SYNC: variants seen among roughly 807,000 people sequenced by gnomAD.
SYNC encodes syncoilin.
In SYNC, 38 loss-of-function variants were observed where a neutral mutation model predicts 49.5. The observed-to-expected ratio is 0.77, with a 90% CI of 0.59 to 1.01. The LOEUF is 1.01. Ranked by LOEUF, SYNC falls within the 50% of genes least tolerant of loss-of-function variation. The pLI, the probability that SYNC is intolerant of heterozygous loss-of-function variation, is 0.00. For synonymous variants in SYNC, 201 were observed against 230.8 expected (o/e 0.87, Z 1.17); for missense variants, 579 against 580.6 (o/e 1.00, Z 0.03).
chr1:32,688,641 G>C (rs912456270), intron 2 of SYNC, among the ~76,000 whole-genome samples: 2 of 152,200 alleles, frequency 1.3e-5, no homozygotes, highest in Admixed American at 6.5e-5. Context: ...TTGTCGCCCA[G>C]GCTGGAGTGC....
chr1:32,680,759 A>G lies in SYNC; in HGVS notation c.*1091T>C, dbSNP rs1014076883. ...CAGTTGTTGTCCATGGTCTTTGACT[A>G]TCAAGAGCAGAATTAAATGTAATAG... is the stretch of plus-strand genomic sequence containing the variant. On this transcript the variant is annotated 3_prime_UTR_variant, in exon 5 of 5. Transcript: ENST00000409190. 1.4e-5 allele frequency: 7 copies of G among 504,412 alleles called. No individual in the cohort carries two copies. The allele number at this position is 504,412 out of a possible 1,614,324, so 31.2% of individuals were successfully genotyped here.
chr1:32,684,010 C>T lies in SYNC; in HGVS notation c.1438G>A (p.Gly480Arg). The change falls in exon 4 of 5, where the codon GGG becomes AGG. Residue 480 changes from glycine (G) to arginine (R), a missense_variant and splice_region_variant. Transcript: ENST00000409190. ...QAGGMETQSQ[G>R]AV The stretch of plus-strand genomic sequence containing the variant: ...CCACTCTTCTCTTCACAAAGATCAC[C>T]TTGAGACTGTGTCTCCATTCCACCT... 1 of 1,613,844 alleles carries T rather than the reference C, an allele frequency of 6.2e-7. No individual in the cohort carries two copies. The highest frequency in any genetic ancestry group is 1.1e-5 in the South Asian group (1 of 91,058).
chr1:32,702,672 C>T lies in SYNC; in HGVS notation c.-12G>A, dbSNP rs1276582237. The T allele has an allele frequency of 8.5e-7, 1 of 1,179,072 alleles. No individual in the cohort carries two copies. The highest frequency in any genetic ancestry group is 1.6e-5 in the African/African-American group (1 of 62,190). The allele number at this position is 1,179,072 out of a possible 1,614,324, so 73.0% of individuals were successfully genotyped here. A position where few individuals can be genotyped will look rare whatever the true frequency, so the allele number is the denominator to read the frequency against. ...TCCGGGCTGGCCATGGCTGCGCGAC[C>T]CCGGGCTGGCGGCCGCGTTATTAAT... On this transcript the variant is annotated 5_prime_UTR_variant, in exon 1 of 5. Transcript: ENST00000409190. The surrounding 1 kb of genome is among the most constrained non-coding windows in gnomAD (Gnocchi z 6.2).
rs1649691265 is a variant in SYNC, at chr1:32,684,624, T to C, written c.1234-242A>G. On this transcript the variant is annotated intron_variant, in intron 2 of 4. Coordinates refer to ENST00000409190, the MANE Select transcript of SYNC (RefSeq NM_030786.3). ...GTCTGTTAACCACAGCTTGCTTTAA[T>C]AGAATCCTGGGAGGGTGATTGGGAC... The C allele has an allele frequency of 3.2e-5, 16 of 498,640 alleles. 1 individual carries two copies. The South Asian group carries it at 3.3e-4, about 10-fold the overall frequency. The allele number at this position is 498,640 out of a possible 1,614,324, so 30.9% of individuals were successfully genotyped here.
chr1:32,689,491 G>A (rs1373490129), intron 2 of SYNC, among the ~76,000 whole-genome samples: 1 of 151,074 alleles, frequency 6.6e-6, no homozygotes. Context: ...CACTGCGCCC[G>A]GCCACACATA....
chr1:32,684,448 AC>A, intron 2 of SYNC, 66 bp from the exon 3 acceptor site: 2 of 1,604,408 alleles, frequency 1.2e-6, no homozygotes, highest in Non-Finnish European at 8.5e-7. Flanking sequence ...GTCCACTCTT[AC>A]TTATAAAACA....
Position 32,695,920 on chromosome 1 carries a change from A to G in SYNC, c.178T>C (p.Tyr60His). The change falls in exon 2 of 5, where the codon TAC (tyrosine) becomes CAC (histidine). Residue 60 changes from tyrosine (Y) to histidine (H), a missense_variant. Transcript: ENST00000409190. Reference protein sequence around the residue: ...EGSLNLEDILYLEDTGDLDET... With the variant: ...EGSLNLEDILHLEDTGDLDET... ...TCAAGGTCACCTGTGTCCTCCAGGT[A>G]GAGAATGTCTTCGAGGTTTAAGGAC... 6.4e-7 allele frequency: 1 copy of G among 1,551,668 alleles called. No homozygotes were observed. The highest frequency in any genetic ancestry group is 1.2e-5 in the South Asian group (1 of 84,060).
In SYNC at chr1:32,684,348, T is replaced by C. The variant is rs143540503; in HGVS notation, c.1268A>G (p.Gln423Arg). ...CTGGAGTTGCACCCCATTTCTTAACTGCCTCTGGCGTTCTTCCATTTCCTC... is the reference window on the plus strand; with the variant it reads ...CTGGAGTTGCACCCCATTTCTTAACCGCCTCTGGCGTTCTTCCATTTCCTC... ...QLEEMEERQR[Q>R]LRNGVQLQQQ... The change falls in exon 3 of 5, where the codon CAG becomes CGG. Residue 423 changes from glutamine (Q) to arginine (R), a missense_variant. By Grantham distance (43) the Gln-to-Arg change is conservative. Transcript: ENST00000409190. The C allele has an allele frequency of 2.0e-5, 33 of 1,614,102 alleles. No individual in the cohort carries two copies. The African/African-American group carries it at 2.1e-4, about 10-fold the overall frequency.
chr1:32,694,063 CCT>C (rs1160699637), intron 2 of SYNC, among the ~76,000 whole-genome samples: 4 of 151,526 alleles, frequency 2.6e-5, no homozygotes, highest in African/African-American at 9.7e-5. Context: ...GTGGTGAAAC[CCT>C]GTCTCTACAA....
At chr1:32,701,162 ACCTCGGCGT>A (rs1216342877) in intron 1 of SYNC, among the ~76,000 whole-genome samples, 3 of 151,906 alleles carry the variant, frequency 2.0e-5, no homozygotes, top group Non-Finnish European at 4.4e-5. Flanking sequence ...TGATCCGCAC[ACCTCGGCGT>A]CCCAAAGTGC....
intron 2 of SYNC, among the ~76,000 whole-genome samples, chr1:32,693,683 A>C (rs1650272557): frequency 2.0e-5 from 3 of 152,198 alleles, no homozygotes; most frequent in Non-Finnish European, 4.4e-5. Context: ...TTCACAGTCT[A>C]GGAGGGACTA....
Position 32,702,695 on chromosome 1 carries a change from A to G in SYNC, c.-35T>C. ...ACCCCGGGCTGGCGGCCGCGTTATT[A>G]ATAGCCGGGCCCGCGGGCCCCTCGC... is the stretch of plus-strand genomic sequence containing the variant. On this transcript the variant is annotated 5_prime_UTR_variant, in exon 1 of 5. Transcript: ENST00000409190. This position sits in a 1 kb window ranked among gnomAD's most constrained non-coding sequence, Gnocchi z 6.2. 1 of 1,151,506 alleles carries G rather than the reference A, an allele frequency of 8.7e-7. No homozygotes were observed. Among genetic ancestry groups the G allele is most frequent in the Non-Finnish European group, 1.1e-6 (1 of 937,132 alleles). 71.3% of individuals were successfully genotyped at this position (1,151,506 alleles called of 1,614,324 possible).
chr1:32,700,528 T>C (rs966955521), intron 1 of SYNC, among the ~76,000 whole-genome samples: 7 of 152,160 alleles, frequency 4.6e-5, no homozygotes, highest in African/African-American at 1.4e-4. Flanking sequence ...AAACTCCGTC[T>C]CTACTAAAAA....
chr1:32,691,638 C>T (rs1489185036), intron 2 of SYNC, among the ~76,000 whole-genome samples: 1 of 151,842 alleles, frequency 6.6e-6, no homozygotes, highest in African/African-American at 2.4e-5. Flanking sequence ...TGAATAAAGT[C>T]CAAAACTCAA....
At chr1:32,694,229 C>T (rs1177734303) in intron 2 of SYNC, among the ~76,000 whole-genome samples, 1 of 152,014 alleles carries the variant, frequency 6.6e-6, no homozygotes, top group Non-Finnish European at 1.5e-5. Context: ...CATGTTGGTG[C>T]ACAGTTGTGG....
At chr1:32,693,603 T>C (rs1650269243) in intron 2 of SYNC, among the ~76,000 whole-genome samples, 1 of 152,222 alleles carries the variant, frequency 6.6e-6, no homozygotes, top group Non-Finnish European at 1.5e-5. Flanking sequence ...CAGCAGCACA[T>C]GTGCTCTGAG....
rs360511 is a variant in SYNC at position 32,680,900 on chromosome 1, A to G, written c.*950T>C. 0.89 allele frequency: 195,206 copies of G among 220,474 alleles called. 88,262 individuals are homozygous for G. Among genetic ancestry groups the G allele is most frequent in the Non-Finnish European group, 0.96 (108,993 of 113,144 alleles). The allele number at this position is 220,474 out of a possible 1,614,324, so 13.7% of individuals were successfully genotyped here. ...ATAAGGTAACGTTTCTTTGAAGTCT[A>G]TCTGTAGAGAACTACATGGACTTCC... On this transcript the variant is annotated 3_prime_UTR_variant, in exon 5 of 5. Transcript: ENST00000409190.
intron 2 of SYNC, among the ~76,000 whole-genome samples, chr1:32,692,880 C>T (rs1323029304): frequency 1.3e-5 from 2 of 151,786 alleles, no homozygotes; most frequent in African/African-American, 4.8e-5. Flanking sequence ...TGGCGGGCAC[C>T]TGTAGTCCCA....
At chr1:32,698,106 T>C (rs1277494811) in intron 1 of SYNC, among the ~76,000 whole-genome samples, 1 of 150,562 alleles carries the variant, frequency 6.6e-6, no homozygotes, top group African/African-American at 2.5e-5. Flanking sequence ...GCCTGTAATC[T>C]CAGCTACTCG....
Sources: gnomAD v4.1 joint callset for allele counts (sites outside exome capture counted in the v4.1 genomes callset) on GRCh38, gnomAD v4.1.1 for gene constraint, Gnocchi (gnomAD v3.1) non-coding constraint, MANE v1.5 for transcripts, NCBI Gene and HGNC (gene_info 2026-07-23, HGNC 2026-07-21) for gene names.